Variants in CSMD3 observed in about 807,000 individuals in gnomAD.
The protein encoded by CSMD3 is CUB and Sushi multiple domains 3, also known as CUB and sushi domain-containing protein 3.
CSMD3 carries 177 observed loss-of-function variants against 435.2 expected under a neutral mutation model. The observed-to-expected ratio is 0.41, with a 90% confidence interval of 0.36 to 0.46. CSMD3 has a LOEUF of 0.46. CSMD3 is among the 20% of genes least tolerant of loss of function. The pLI is 0.34. For synonymous variants in CSMD3, 1,656 were observed against 1,520.5 expected, an observed-to-expected ratio of 1.09 and a Z score of -2.07; for missense variants, 4,265 against 4,504.6, an observed-to-expected ratio of 0.95 and a Z score of 1.52.
intron 2 of CSMD3, chr8:113,309,284 A>G (rs561513366): frequency 6.6e-6 from 1 of 152,180 alleles, no homozygotes; most frequent in East Asian, 1.9e-4. Flanking sequence ...GGTCCATTAC[A>G]TGGGTATACT....
At chr8:113,404,879 T>G (rs2094525776) in intron 1 of CSMD3, among the ~76,000 whole-genome samples, 2 of 151,492 alleles carry the variant, frequency 1.3e-5, no homozygotes, top group Non-Finnish European at 3.0e-5. Context: ...AAGTGACACT[T>G]GTTTCATCCC....
At chr8:113,381,021 T>A (rs940215869) in intron 1 of CSMD3, among the ~76,000 whole-genome samples, 4 of 152,176 alleles carry the variant, frequency 2.6e-5, no homozygotes, top group African/African-American at 9.7e-5. Context: ...TAGGAATAGA[T>A]CCAAATCCCG....
chr8:113,093,238 C>T (rs1458221253), intron 5 of CSMD3, among the ~76,000 whole-genome samples: 2 of 151,690 alleles, frequency 1.3e-5, no homozygotes, highest in African/African-American at 4.8e-5. Flanking sequence ...TTGTTGAAGT[C>T]ACAGGAAATT....
At chr8:113,232,155 G>A (rs2093096186) in intron 3 of CSMD3, among the ~76,000 whole-genome samples, 1 of 151,474 alleles carries the variant, frequency 6.6e-6, no homozygotes, top group Admixed American at 6.6e-5. Context: ...TACCTTCCAT[G>A]TACTTTTCTC....
intron 13 of CSMD3, among the ~76,000 whole-genome samples, chr8:112,712,376 C>T (rs1698355452): frequency 6.6e-6 from 1 of 152,122 alleles, no homozygotes; most frequent in Admixed American, 6.6e-5. Context: ...TTCTATTAAA[C>T]AGATCTTTTT....
chr8:112,642,851 CA>C (rs1163661893), intron 20 of CSMD3, among the ~76,000 whole-genome samples: 1 of 151,992 alleles, frequency 6.6e-6, no homozygotes, highest in Admixed American at 6.6e-5. Flanking sequence ...AACATGGCAG[CA>C]AAAAAGTTAA....
intron 3 of CSMD3, among the ~76,000 whole-genome samples, chr8:113,193,369 T>A (rs1481858483): frequency 1.3e-5 from 2 of 151,414 alleles, no homozygotes; most frequent in Non-Finnish European, 3.0e-5. Context: ...GCTTTAAGCA[T>A]GACTTTCACT....
At chr8:113,427,045 T>C (rs916956436) in intron 1 of CSMD3, among the ~76,000 whole-genome samples, 1 of 151,266 alleles carries the variant, frequency 6.6e-6, no homozygotes, top group Admixed American at 6.6e-5. Flanking sequence ...ATCTTTAAAA[T>C]TAAAAAGACA....
intron 4 of CSMD3, among the ~76,000 whole-genome samples, chr8:113,161,200 T>C (rs778455699): frequency 1.3e-5 from 2 of 152,138 alleles, no homozygotes; most frequent in Non-Finnish European, 2.9e-5. Flanking sequence ...AGGCAAGTAA[T>C]TGGTATAGCA....
At position 112,587,134 on chromosome 8, in the gene CSMD3, C is replaced by T. The variant is rs949630842; in HGVS notation, c.3817G>A (p.Val1273Ile). The part of the protein sequence containing the change: ...NNHECIYSIQ[V>I]QAGKGINISA... ...ATATTGATTCCCTTTCCTGCTTGAA[C>T]CTGAATACTATAAATGCATTCATGG... Residue 1273 changes from valine (V) to isoleucine (I), a missense_variant, in exon 23 of 71, where the codon GTT becomes ATT. Physicochemically the swap from Val to Ile is conservative, Grantham distance 29. Coordinates refer to ENST00000297405, the MANE Select transcript of CSMD3 (RefSeq NM_198123.2). 1 of 1,610,662 alleles carries T rather than the reference C, an allele frequency of 6.2e-7. No homozygotes were observed. Among genetic ancestry groups the T allele is most frequent in the Non-Finnish European group, 8.5e-7 (1 of 1,177,648 alleles).
At chr8:112,625,074 G>T (rs1257170762) in intron 22 of CSMD3, among the ~76,000 whole-genome samples, 1 of 152,022 alleles carries the variant, frequency 6.6e-6, no homozygotes, top group African/African-American at 2.4e-5. Context: ...TAAAGTCAGT[G>T]ATGATATCCT....
intron 1 of CSMD3, among the ~76,000 whole-genome samples, chr8:113,390,217 A>G (rs895094260): frequency 2.6e-5 from 4 of 151,770 alleles, no homozygotes; most frequent in African/African-American, 9.7e-5. Flanking sequence ...CCCTGGGCTT[A>G]TTTATTTCTA....
chr8:113,293,933 G>A (rs1018504502), intron 2 of CSMD3, among the ~76,000 whole-genome samples: 3 of 151,948 alleles, frequency 2.0e-5, no homozygotes, highest in Non-Finnish European at 2.9e-5. Flanking sequence ...ATCAGATCAC[G>A]GTTTAAGTGT....
intron 15 of CSMD3, among the ~76,000 whole-genome samples, chr8:112,685,103 T>C (rs893169823): frequency 1.2e-4 from 18 of 152,204 alleles, no homozygotes; most frequent in African/African-American, 4.3e-4. Context: ...TTTGGGTTTA[T>C]GCTAAGATAT....
intron 58 of CSMD3, among the ~76,000 whole-genome samples, chr8:112,284,665 C>T (rs1818998523): frequency 6.6e-6 from 1 of 151,766 alleles, no homozygotes; most frequent in Non-Finnish European, 1.5e-5. Flanking sequence ...TAGTTATAAA[C>T]AGAAATAAAA....
At chr8:112,453,996 G>A (rs1263863952) in intron 32 of CSMD3, among the ~76,000 whole-genome samples, 7 of 152,040 alleles carry the variant, frequency 4.6e-5, no homozygotes, top group Non-Finnish European at 1.0e-4. Context: ...TAATCAATGG[G>A]AAAATAATTC....
intron 22 of CSMD3, among the ~76,000 whole-genome samples, chr8:112,599,250 C>CA (rs1832077188): frequency 6.6e-6 from 1 of 150,796 alleles, no homozygotes; most frequent in African/African-American, 2.4e-5. Flanking sequence ...TTTATGCAGC[C>CA]AAAAAACACA....
In CSMD3 at chr8:112,758,087, G is replaced by A. The variant is rs148133827; in HGVS notation, c.1972+42075C>T. ...TTAAAAAAAGGGGCCGGGTGCGGTTGCTCACGCCTGTAATCCCAGCACTTT... is the reference window on the plus strand; with the variant it reads ...TTAAAAAAAGGGGCCGGGTGCGGTTACTCACGCCTGTAATCCCAGCACTTT... On this transcript the variant is annotated intron_variant, in intron 13 of 70. Coordinates refer to ENST00000297405, the MANE Select transcript of CSMD3 (RefSeq NM_198123.2). Among the ~76,000 whole-genome samples the A allele has an allele frequency of 2.5e-4, 38 of 152,200 alleles. No individual in the cohort carries two copies. In the East Asian group the frequency reaches 6.8e-3, roughly 27 times the overall value.
intron 50 of CSMD3, chr8:112,310,664 C>T (rs567617110): frequency 2.5e-6 from 1 of 406,650 alleles, no homozygotes; most frequent in South Asian, 2.1e-5. Context: ...CATACTAACT[C>T]AGTCTTCCTC....
Sources: gnomAD v4.1 joint callset for allele counts (sites outside exome capture counted in the v4.1 genomes callset) on GRCh38, gnomAD v4.1.1 for gene constraint, MANE v1.5 for transcripts, NCBI Gene and HGNC (gene_info 2026-07-23, HGNC 2026-07-21) for gene names.